Variants in PSD3 observed in about 807,000 individuals in gnomAD.
PSD3 encodes pleckstrin and Sec7 domain containing 3, also known as PH and SEC7 domain-containing protein 3.
A neutral mutation model predicts 105.5 loss-of-function variants in PSD3; 49 were observed. That is an observed-to-expected ratio of 0.46 (90% CI 0.37 to 0.59). The LOEUF is 0.59. Among genes scored for constraint, PSD3 ranks in the 20% least tolerant of loss-of-function variants. PSD3 has a pLI of 0.00. For synonymous variants in PSD3, 557 were observed against 457.8 expected (o/e 1.22, Z -2.77); for missense variants, 1,561 against 1,263.8 (o/e 1.24, Z -3.57).
Position 18,923,194 on chromosome 8 carries a change from G to C in PSD3, c.130+12840C>G, listed in dbSNP as rs548230184. Among the ~76,000 whole-genome samples, 11 of 150,620 alleles carry C rather than the reference G, an allele frequency of 7.3e-5. No individual in the cohort carries two copies. In the East Asian group the frequency reaches 2.1e-3, roughly 29 times the overall value. ...ACACTACCAACAGCTGATGAGCTTT[G>C]AAAAAAAAACCTCATAATGTTTTAA... On this transcript the variant is annotated intron_variant, in intron 2 of 15. Coordinates refer to ENST00000327040, the MANE Select transcript of PSD3 (RefSeq NM_015310.4).
At chr8:19,076,757 C>T (rs559033350) in intron 1 of PSD3, among the ~76,000 whole-genome samples, 53 of 152,128 alleles carry the variant, frequency 3.5e-4, no homozygotes, top group African/African-American at 1.3e-3. Context: ...TAAAAGAACC[C>T]GCATGCTTCC....
At chr8:18,733,835 C>T (rs1209461158) in intron 9 of PSD3, 1 of 152,580 alleles carries the variant, frequency 6.6e-6, no homozygotes, top group Non-Finnish European at 1.5e-5. Flanking sequence ...GCCTGCAAAT[C>T]ATTTAGGACC....
intron 4 of PSD3, among the ~76,000 whole-genome samples, chr8:18,846,449 A>C (rs1815099864): frequency 6.6e-6 from 1 of 152,160 alleles, no homozygotes; most frequent in Admixed American, 6.5e-5. Flanking sequence ...CCCTGCAGGG[A>C]AACATGTTCC....
At chr8:18,838,226 A>G (rs550299043) in intron 4 of PSD3, among the ~76,000 whole-genome samples, 1 of 152,286 alleles carries the variant, frequency 6.6e-6, no homozygotes, top group South Asian at 2.1e-4. Flanking sequence ...GTAGCGCTTC[A>G]GTTCTGATTT....
At chr8:18,567,170 C>G (rs887597191) in intron 14 of PSD3, among the ~76,000 whole-genome samples, 2 of 152,096 alleles carry the variant, frequency 1.3e-5, no homozygotes, top group African/African-American at 4.8e-5. Flanking sequence ...TCCCCTGGAT[C>G]TTTTATAGAA....
chr8:18,871,895 C>T lies in PSD3; in HGVS notation c.969G>A (p.Glu323=), dbSNP rs1224316384. The T allele has an allele frequency of 6.2e-7, 1 of 1,614,100 alleles. No homozygotes were observed. Among genetic ancestry groups the T allele is most frequent in the African/African-American group, 1.3e-5 (1 of 74,940 alleles). ...KRETQHPIDF[E]TSLQRTASPD... ...GAGAGGCTGTTCTTTGCAGTGATGTCTCAAAATCTATAGGATGCTGGGTCT... is the reference window on the plus strand; with the variant it reads ...GAGAGGCTGTTCTTTGCAGTGATGTTTCAAAATCTATAGGATGCTGGGTCT... The change falls in exon 3 of 16, where the codon GAG becomes GAA. Residue 323 remains glutamate, a synonymous_variant. Coordinates refer to ENST00000327040, the MANE Select transcript of PSD3 (RefSeq NM_015310.4).
At chr8:18,827,372 C>T (rs1387491022) in intron 4 of PSD3, among the ~76,000 whole-genome samples, 2 of 152,146 alleles carry the variant, frequency 1.3e-5, no homozygotes, top group African/African-American at 2.4e-5. Context: ...GACTGAATGG[C>T]TTGTCCAAAG....
intron 9 of PSD3, among the ~76,000 whole-genome samples, chr8:18,754,122 G>A (rs763705687): frequency 8.5e-5 from 13 of 152,236 alleles, no homozygotes; most frequent in Non-Finnish European, 1.5e-4. Flanking sequence ...GGTGGCTCAC[G>A]CCTGTAATCC....
intron 1 of PSD3, among the ~76,000 whole-genome samples, chr8:19,082,212 C>A (rs111919088): frequency 2.6e-5 from 4 of 152,148 alleles, no homozygotes; most frequent in Admixed American, 2.6e-4. Flanking sequence ...GATAGCCGTA[C>A]GGCACCTACA....
At position 18,647,795 on chromosome 8, in the gene PSD3, C is replaced by A. The variant is rs1808159602; in HGVS notation, c.2216+7847G>T. On this transcript the variant is annotated intron_variant, in intron 10 of 15. Transcript: ENST00000327040. ...GACTCGATCATAATGGCATTACCCC[C>A]TTTAGTACTGTTCTCATGATAGTGA... Among the ~76,000 whole-genome samples, 7 of 152,094 alleles carry A rather than the reference C, an allele frequency of 4.6e-5. No homozygotes were observed. In the South Asian group the frequency reaches 1.5e-3, roughly 32 times the overall value.
chr8:18,904,604 CATTGTATCTTGGA>C (rs1283778948), intron 2 of PSD3, among the ~76,000 whole-genome samples: 3 of 152,212 alleles, frequency 2.0e-5, no homozygotes, highest in Non-Finnish European at 2.9e-5. Context: ...CCTGTACTAC[CATTGTATCTTGGA>C]AGTAAATAAC....
At chr8:18,781,210 G>A (rs567191309) in intron 8 of PSD3, among the ~76,000 whole-genome samples, 9 of 152,258 alleles carry the variant, frequency 5.9e-5, no homozygotes, top group African/African-American at 1.9e-4. Flanking sequence ...TTAAGAGCAT[G>A]TACTTACCAT....
At chr8:19,018,796 T>C (rs1827260856) in intron 1 of PSD3, among the ~76,000 whole-genome samples, 1 of 152,166 alleles carries the variant, frequency 6.6e-6, no homozygotes, top group Admixed American at 6.5e-5. Flanking sequence ...AGTCAGAAGA[T>C]AAGTTTCTTT....
chr8:18,954,536 T>C (rs1199700968), intron 1 of PSD3, among the ~76,000 whole-genome samples: 1 of 151,840 alleles, frequency 6.6e-6, no homozygotes, highest in African/African-American at 2.4e-5. Flanking sequence ...CAATCAACCA[T>C]CCATCCATCC....
intron 4 of PSD3, among the ~76,000 whole-genome samples, chr8:18,857,657 G>C (rs984683652): frequency 1.2e-4 from 18 of 152,176 alleles, no homozygotes; most frequent in Non-Finnish European, 2.4e-4. Context: ...TTGTAGACCA[G>C]TGCTTTGCAA....
intron 9 of PSD3, among the ~76,000 whole-genome samples, chr8:18,704,090 T>G (rs1489888973): frequency 6.6e-6 from 1 of 152,226 alleles, no homozygotes. Flanking sequence ...AATGCTACTT[T>G]CCAACTGAAA....
chr8:18,683,719 A>C (rs1029516386), intron 9 of PSD3: 5 of 748,070 alleles, frequency 6.7e-6, no homozygotes, highest in Non-Finnish European at 1.2e-5. Context: ...AGACTATCCA[A>C]TTCTGTTGCC....
chr8:18,612,714 A>T (rs1303372430), intron 11 of PSD3, among the ~76,000 whole-genome samples: 2 of 152,212 alleles, frequency 1.3e-5, no homozygotes, highest in African/African-American at 4.8e-5. Flanking sequence ...TACCACCCTT[A>T]ACTGGGAAGA....
At chr8:18,628,084 A>C (rs774224106) in intron 11 of PSD3, among the ~76,000 whole-genome samples, 3 of 152,012 alleles carry the variant, frequency 2.0e-5, no homozygotes, top group South Asian at 4.1e-4. Flanking sequence ...AAAGTACTGA[A>C]ATGACAAAGA....
Sources: gnomAD v4.1 joint callset for allele counts (sites outside exome capture counted in the v4.1 genomes callset) on GRCh38, gnomAD v4.1.1 for gene constraint, MANE v1.5 for transcripts, NCBI Gene and HGNC (gene_info 2026-07-23, HGNC 2026-07-21) for gene names.